SYT6: variants seen among roughly 807,000 people sequenced by gnomAD.
SYT6 encodes the protein synaptotagmin 6, also known as synaptotagmin-6.
In SYT6, 24 loss-of-function variants were observed where a neutral mutation model predicts 38.4. The observed-to-expected ratio is 0.62, with a 90% CI of 0.45 to 0.88. The LOEUF (loss-of-function observed/expected upper bound fraction) is 0.88, where lower values mean the gene tolerates loss of function less well. Ranked by LOEUF, SYT6 falls within the 40% of genes least tolerant of loss-of-function variation. The pLI is 0.00. For missense variants in SYT6, 611 were observed against 621.0 expected (o/e 0.98, Z 0.17); for synonymous variants, 265 against 241.9 (o/e 1.10, Z -0.89).
At chr1:114,110,306 G>C (rs988496132) in intron 3 of SYT6, among the ~76,000 whole-genome samples, 2 of 152,214 alleles carry the variant, frequency 1.3e-5, no homozygotes, top group Admixed American at 1.3e-4. Context: ...CCAGGAACTT[G>C]TATTCTAAGG....
chr1:114,150,786 A>G (rs2101131809), intron 1 of SYT6, among the ~76,000 whole-genome samples: 1 of 152,234 alleles, frequency 6.6e-6, no homozygotes, highest in Non-Finnish European at 1.5e-5. Flanking sequence ...GTTTTTAAAG[A>G]AAAAGGGGAA....
chr1:114,152,837 C>G (rs988679344), intron 1 of SYT6: 1 of 152,232 alleles, frequency 6.6e-6, no homozygotes, highest in Non-Finnish European at 1.5e-5. Context: ...GCGTCCCGCG[C>G]AGGGTCAGCG....
chr1:114,146,976 T>C (rs1175399996), intron 1 of SYT6, among the ~76,000 whole-genome samples: 1 of 152,220 alleles, frequency 6.6e-6, no homozygotes, highest in African/African-American at 2.4e-5. Flanking sequence ...CTATTTTTAT[T>C]AGAATTAGTT....
chr1:114,108,163 A>G (rs1676443302), intron 3 of SYT6, among the ~76,000 whole-genome samples: 1 of 152,136 alleles, frequency 6.6e-6, no homozygotes, highest in Non-Finnish European at 1.5e-5. Flanking sequence ...TCTGTCCTTT[A>G]GTGCAACTTG....
rs373704316 is a variant in SYT6 at position 114,137,706 on chromosome 1, C to A, written c.860G>T (p.Arg287Leu). ...RKCKLQTRVH[R>L]KTLNPTFDEN... ...ATCAAAGGTGGGGTTCAGGGTCTTG[C>A]GGTGCACCCGGGTCTGCAGCTTGCA... The change falls in exon 3 of 8, where the codon CGC becomes CTC. Residue 287 changes from arginine to leucine, a missense_variant. Coordinates refer to ENST00000610222, the MANE Select transcript of SYT6 (RefSeq NM_001253772.2). The A allele has an allele frequency of 3.7e-6, 6 of 1,613,840 alleles. No individual in the cohort carries two copies. Among genetic ancestry groups the A allele is most frequent in the Middle Eastern group, 1.7e-4 (1 of 6,060 alleles).
intron 3 of SYT6, among the ~76,000 whole-genome samples, chr1:114,108,607 A>G (rs555192818): frequency 5.9e-5 from 9 of 152,296 alleles, no homozygotes; most frequent in African/African-American, 1.2e-4. Flanking sequence ...GCCATCACCA[A>G]CTGAGACGAC....
At chr1:114,138,077 G>A (rs747059061) in intron 2 of SYT6, 24 bp from the exon 3 acceptor site, 1 of 1,603,046 alleles carries the variant, frequency 6.2e-7, no homozygotes, top group South Asian at 1.1e-5. Flanking sequence ...GGAGGGGGCA[G>A]AGGGAGTGTG....
At chr1:114,092,861 C>A (rs770968040) in intron 7 of SYT6, among the ~76,000 whole-genome samples, 1 of 152,224 alleles carries the variant, frequency 6.6e-6, no homozygotes, top group Non-Finnish European at 1.5e-5. Flanking sequence ...GAGCAAAGAT[C>A]TGACCCCATG....
At position 114,147,193 on chromosome 1, in the gene SYT6, G is replaced by A. The variant is rs576278213; in HGVS notation, c.163+6417C>T. Among the ~76,000 whole-genome samples the A allele has an allele frequency of 2.0e-5, 3 of 152,194 alleles. No individual in the cohort carries two copies. The East Asian group carries it at 5.8e-4, about 29-fold the overall frequency. ...GAGACGTAACACAAACTATGGTTCA[G>A]ATCACACATCTCCAGGCTTTTCCTG... On this transcript the variant is annotated intron_variant, in intron 1 of 7. Coordinates refer to ENST00000610222, the MANE Select transcript of SYT6 (RefSeq NM_001253772.2).
chr1:114,096,735 G>A (rs1675663169), intron 6 of SYT6, among the ~76,000 whole-genome samples: 1 of 152,192 alleles, frequency 6.6e-6, no homozygotes. Flanking sequence ...TTAAGCCGAG[G>A]GGCCATGCAG....
At chr1:114,109,631 T>C (rs1676551316) in intron 3 of SYT6, among the ~76,000 whole-genome samples, 1 of 152,220 alleles carries the variant, frequency 6.6e-6, no homozygotes, top group African/African-American at 2.4e-5. Flanking sequence ...AGGTGCTTAG[T>C]AAGTATTGGC....
intron 3 of SYT6, among the ~76,000 whole-genome samples, chr1:114,104,737 T>A (rs114901673): frequency 0.019 from 2,882 of 152,274 alleles, 84 homozygotes; most frequent in African/African-American, 0.066. Flanking sequence ...ATGTGCTAAG[T>A]GTTGATCTGA....
At chr1:114,132,329 A>T (rs917093575) in intron 3 of SYT6, among the ~76,000 whole-genome samples, 1 of 152,334 alleles carries the variant, frequency 6.6e-6, no homozygotes, top group Middle Eastern at 3.4e-3. Flanking sequence ...CCTAGAGGAC[A>T]TTCCCCACGG....
At chr1:114,092,338 C>G (rs4839360) in intron 7 of SYT6, among the ~76,000 whole-genome samples, 4,341 of 128,428 alleles carry the variant, frequency 0.034, 79 homozygotes, top group East Asian at 0.1. Flanking sequence ...CTCTCTCTCT[C>G]TGTGTGTGTG....
chr1:114,115,816 C>T (rs1676960363), intron 3 of SYT6, among the ~76,000 whole-genome samples: 1 of 152,056 alleles, frequency 6.6e-6, no homozygotes, highest in African/African-American at 2.4e-5. Context: ...AATAACTTGC[C>T]TAGGGTCTCA....
intron 3 of SYT6, among the ~76,000 whole-genome samples, chr1:114,121,346 C>T (rs78782944): frequency 0.051 from 7,766 of 152,260 alleles, 250 homozygotes; most frequent in Non-Finnish European, 0.074. Flanking sequence ...TTCTTCACTC[C>T]ACATCTTCCC....
chr1:114,126,314 A>C, intron 3 of SYT6, among the ~76,000 whole-genome samples: 1 of 152,134 alleles, frequency 6.6e-6, no homozygotes, highest in South Asian at 2.1e-4. Context: ...GGTCCGCGGG[A>C]AAATGTGAAG....
intron 7 of SYT6, among the ~76,000 whole-genome samples, chr1:114,093,126 T>A (rs191226960): frequency 6.6e-6 from 1 of 152,136 alleles, no homozygotes; most frequent in African/African-American, 2.4e-5. Context: ...GCTGCTACTA[T>A]GCATCATGCA....
At chr1:114,111,613 G>A (rs1676681383) in intron 3 of SYT6, among the ~76,000 whole-genome samples, 1 of 152,170 alleles carries the variant, frequency 6.6e-6, no homozygotes, top group Non-Finnish European at 1.5e-5. Flanking sequence ...CCCCCTCTTG[G>A]GTCACCTCCT....
Sources: gnomAD v4.1 joint callset for allele counts (sites outside exome capture counted in the v4.1 genomes callset) on GRCh38, gnomAD v4.1.1 for gene constraint, MANE v1.5 for transcripts, NCBI Gene and HGNC (gene_info 2026-07-23, HGNC 2026-07-21) for gene names.